The following IMMP2L variants were observed in gnomAD, a reference collection of about 807,000 sequenced individuals.
IMMP2L encodes the protein mitochondrial inner membrane protease subunit 2.
A neutral mutation model predicts 19.3 loss-of-function variants in IMMP2L; 18 were observed. The observed-to-expected ratio is 0.93, with a 90% CI of 0.64 to 1.38. The LOEUF (loss-of-function observed/expected upper bound fraction) is 1.38. Ranked by LOEUF, IMMP2L falls within the 40% of genes most tolerant of loss-of-function variation. The pLI is 0.00. For missense variants in IMMP2L, 233 were observed against 218.2 expected, an observed-to-expected ratio of 1.07 and a Z score of -0.43; for synonymous variants, 76 against 73.0, an observed-to-expected ratio of 1.04 and a Z score of -0.21.
At chr7:110,829,217 A>G (rs1478213162) in intron 5 of IMMP2L, among the ~76,000 whole-genome samples, 2 of 152,114 alleles carry the variant, frequency 1.3e-5, no homozygotes, top group African/African-American at 4.8e-5. Flanking sequence ...CTAAAGCTAA[A>G]CTCCCCAATC....
At chr7:110,811,534 T>C (rs1337951738) in intron 5 of IMMP2L, among the ~76,000 whole-genome samples, 1 of 152,040 alleles carries the variant, frequency 6.6e-6, no homozygotes, top group Non-Finnish European at 1.5e-5. Flanking sequence ...TTCCCTTTTC[T>C]TTTTTTATTT....
intron 3 of IMMP2L, among the ~76,000 whole-genome samples, chr7:111,482,386 A>C (rs1842265435): frequency 6.6e-6 from 1 of 152,154 alleles, no homozygotes; most frequent in South Asian, 2.1e-4. Flanking sequence ...CCCTCACACC[A>C]ACCTTCTACT....
rs62466707 is a variant in IMMP2L, at chr7:111,265,572, C to G, written c.239+221666G>C. On this transcript the variant is annotated intron_variant, in intron 3 of 5. Coordinates refer to ENST00000405709, the MANE Select transcript of IMMP2L (RefSeq NM_032549.4). ...TGGAAGGGACATTATTTGAGATGGA[C>G]TGTGAAACATGGCTAGGGTTTCAAA... is the stretch of plus-strand genomic sequence containing the variant. 8.4e-3 allele frequency among the ~76,000 whole-genome samples: 1,281 copies of G among 152,178 alleles called. 12 individuals carry two copies. Among genetic ancestry groups the G allele is most frequent in the Admixed American group, 0.02 (303 of 15,260 alleles).
intron 4 of IMMP2L, among the ~76,000 whole-genome samples, chr7:110,906,620 C>G (rs1192910937): frequency 2.6e-5 from 4 of 152,090 alleles, no homozygotes; most frequent in African/African-American, 9.6e-5. Context: ...GGTAAATTGC[C>G]TAGGTTTGAA....
At chr7:111,556,231 CTCATGTACAGCA>C (rs975076382) in intron 1 of IMMP2L, among the ~76,000 whole-genome samples, 13 of 151,500 alleles carry the variant, frequency 8.6e-5, no homozygotes, top group African/African-American at 3.1e-4. Context: ...AGTTTGGGAA[CTCATGTACAGCA>C]TCAGTACTAT....
intron 3 of IMMP2L, among the ~76,000 whole-genome samples, chr7:111,396,575 G>T (rs1372579303): frequency 6.6e-6 from 1 of 151,962 alleles, no homozygotes; most frequent in African/African-American, 2.4e-5. Context: ...TAGATGATGG[G>T]TTGACAGGTG....
intron 3 of IMMP2L, among the ~76,000 whole-genome samples, chr7:111,282,400 T>C (rs1428075601): frequency 6.6e-6 from 1 of 152,110 alleles, no homozygotes; most frequent in Admixed American, 6.5e-5. Context: ...CCATTCCCAG[T>C]TCAGAAATAA....
chr7:111,463,599 G>A (rs1042702558), intron 3 of IMMP2L, among the ~76,000 whole-genome samples: 7 of 152,088 alleles, frequency 4.6e-5, no homozygotes, highest in Non-Finnish European at 1.0e-4. Context: ...CTATTTCCCT[G>A]TCCACTAGCC....
intron 3 of IMMP2L, among the ~76,000 whole-genome samples, chr7:111,461,674 A>G (rs1840147452): frequency 6.6e-6 from 1 of 152,134 alleles, no homozygotes; most frequent in Admixed American, 6.6e-5. Flanking sequence ...GAGACTGGAA[A>G]TCGCTCTTAT....
intron 5 of IMMP2L, among the ~76,000 whole-genome samples, chr7:110,705,417 A>C (rs527512710): frequency 1.7e-4 from 26 of 151,822 alleles, no homozygotes; most frequent in Non-Finnish European, 2.9e-5. Flanking sequence ...CTGTGAACTG[A>C]TTTGTCCAAC....
At chr7:111,289,481 T>C (rs1468151169) in intron 3 of IMMP2L, among the ~76,000 whole-genome samples, 5 of 151,850 alleles carry the variant, frequency 3.3e-5, no homozygotes, top group African/African-American at 1.2e-4. Context: ...TTGAATGCTA[T>C]GGTAAGATTT....
intron 4 of IMMP2L, among the ~76,000 whole-genome samples, chr7:110,897,959 A>G (rs985591196): frequency 3.3e-5 from 5 of 152,006 alleles, no homozygotes; most frequent in Non-Finnish European, 7.4e-5. Flanking sequence ...GGTTGTTGAC[A>G]TGGGTGAAGG....
At chr7:110,834,339 C>T (rs1804237014) in intron 5 of IMMP2L, among the ~76,000 whole-genome samples, 1 of 146,552 alleles carries the variant, frequency 6.8e-6, no homozygotes, top group Admixed American at 7.1e-5. Flanking sequence ...CCTTACTGGT[C>T]ATATTAACAC....
chr7:110,674,510 T>C (rs183614871), intron 5 of IMMP2L, among the ~76,000 whole-genome samples: 15 of 152,316 alleles, frequency 9.8e-5, no homozygotes, highest in Admixed American at 9.2e-4. Flanking sequence ...CCTGCACTTT[T>C]AGCAAATAAA....
intron 4 of IMMP2L, among the ~76,000 whole-genome samples, chr7:110,935,846 CAG>C (rs1816044452): frequency 6.6e-6 from 1 of 152,124 alleles, no homozygotes; most frequent in Non-Finnish European, 1.5e-5. Flanking sequence ...GGTACCAAAA[CAG>C]ATATATAGAC....
intron 3 of IMMP2L, among the ~76,000 whole-genome samples, chr7:111,264,536 A>G (rs1817640604): frequency 6.6e-6 from 1 of 151,982 alleles, no homozygotes. Context: ...TTCGCCCAAC[A>G]GGAATCAAAT....
At chr7:111,437,198 C>T (rs1260574715) in intron 3 of IMMP2L, among the ~76,000 whole-genome samples, 2 of 151,782 alleles carry the variant, frequency 1.3e-5, no homozygotes, top group Non-Finnish European at 2.9e-5. Context: ...GTAATCCCAG[C>T]ACTTTGGGAG....
intron 3 of IMMP2L, among the ~76,000 whole-genome samples, chr7:111,083,227 T>C (rs1014260527): frequency 6.6e-6 from 1 of 152,162 alleles, no homozygotes; most frequent in Non-Finnish European, 1.5e-5. Context: ...ATATTGACTC[T>C]TAAAGGCAGA....
Position 110,876,811 on chromosome 7 carries a change from C to G in IMMP2L, c.408+9782G>C, listed in dbSNP as rs1168753265. 3.3e-5 allele frequency among the ~76,000 whole-genome samples: 5 copies of G among 152,094 alleles called. No homozygotes were observed. In the East Asian group the frequency reaches 9.7e-4, roughly 29 times the overall value. On this transcript the variant is annotated intron_variant, in intron 5 of 5. Coordinates refer to ENST00000405709, the MANE Select transcript of IMMP2L (RefSeq NM_032549.4). ...TCATTCATAATTTTCCCAAACCAGTCTTGCCAGGATACCTCTCATAACTTA... is the reference window on the plus strand; with the variant it reads ...TCATTCATAATTTTCCCAAACCAGTGTTGCCAGGATACCTCTCATAACTTA...
Sources: gnomAD v4.1 joint callset for allele counts (sites outside exome capture counted in the v4.1 genomes callset) on GRCh38, gnomAD v4.1.1 for gene constraint, MANE v1.5 for transcripts, NCBI Gene and HGNC (gene_info 2026-07-23, HGNC 2026-07-21) for gene names.